Variants in HSD17B12 observed in about 807,000 individuals in gnomAD.
The protein encoded by HSD17B12 is hydroxysteroid 17-beta dehydrogenase 12.
In HSD17B12, 32 loss-of-function variants were observed where a neutral mutation model predicts 39.3. That is an observed-to-expected ratio of 0.81 (90% CI 0.61 to 1.09). The LOEUF is 1.09. Ranked by LOEUF, HSD17B12 falls within the 50% of genes least tolerant of loss-of-function variation. The pLI is 0.00. For missense variants in HSD17B12, 342 were observed against 382.9 expected, an observed-to-expected ratio of 0.89 and a Z score of 0.89; for synonymous variants, 150 against 146.7, an observed-to-expected ratio of 1.02 and a Z score of -0.16.
intron 3 of HSD17B12, among the ~76,000 whole-genome samples, chr11:43,788,761 A>AACACACAGG (rs1027187791): frequency 5.3e-5 from 8 of 152,084 alleles, no homozygotes; most frequent in African/African-American, 1.9e-4. Context: ...AAGTAATTGT[A>AACACACAGG]ACACACAGGA....
At chr11:43,558,991 A>G in the HSD17B12 span, among the ~76,000 whole-genome samples, 1 of 152,124 alleles carries the variant, frequency 6.6e-6, no homozygotes, top group South Asian at 2.1e-4. Flanking sequence ...TGTCTCACTA[A>G]ATAAAGCAGA....
At chr11:43,653,523 G>T in the HSD17B12 span, among the ~76,000 whole-genome samples, 1 of 151,944 alleles carries the variant, frequency 6.6e-6, no homozygotes, top group Non-Finnish European at 1.5e-5. Flanking sequence ...TTAGCATTAG[G>T]TATATCTCCT....
intron 6 of HSD17B12, 123 bp from the exon 7 acceptor site, chr11:43,830,853 T>C: frequency 1.4e-6 from 1 of 721,202 alleles, no homozygotes; most frequent in Non-Finnish European, 2.4e-6. Flanking sequence ...AATAACCTGC[T>C]GTCTGTAGAA....
the HSD17B12 span, among the ~76,000 whole-genome samples, chr11:43,635,043 T>C: frequency 6.6e-6 from 1 of 152,120 alleles, no homozygotes; most frequent in Non-Finnish European, 1.5e-5. Context: ...CCATGGTGTG[T>C]GCAATTTCCT....
intron 1 of HSD17B12, chr11:43,734,416 G>C (rs1349661430): frequency 1.3e-6 from 1 of 773,780 alleles, no homozygotes; most frequent in African/African-American, 1.7e-5. Context: ...AGGCAGCCGA[G>C]CTGATCACCA....
chr11:43,592,311 G>T, the HSD17B12 span, among the ~76,000 whole-genome samples: 1 of 151,528 alleles, frequency 6.6e-6, no homozygotes, highest in East Asian at 1.9e-4. Flanking sequence ...TTTTTTTAAT[G>T]CAGGAAGGCC....
At chr11:43,800,547 A>G (rs554879822) in intron 4 of HSD17B12, among the ~76,000 whole-genome samples, 1 of 152,138 alleles carries the variant, frequency 6.6e-6, no homozygotes, top group Non-Finnish European at 1.5e-5. Flanking sequence ...CCTGCCCCCT[A>G]TATGGAAAGG....
In HSD17B12 at chr11:43,798,239, A is replaced by G. The variant is rs989626482; in HGVS notation, c.284-81A>G. 6.5e-6 allele frequency: 5 copies of G among 774,080 alleles called. No homozygotes were observed. The African/African-American group carries it at 7.0e-5, about 11-fold the overall frequency. 48.0% of individuals were successfully genotyped at this position (774,080 alleles called of 1,614,324 possible). ...GGTGGGGAGAAACGTCTGAAAGGAT[A>G]ATGCTATCAAATGCCTTAATCTTCA... On this transcript the variant is annotated intron_variant, in intron 3 of 10. Transcript: ENST00000278353.
chr11:43,794,061 T>C (rs1392980665), intron 3 of HSD17B12, among the ~76,000 whole-genome samples: 1 of 152,198 alleles, frequency 6.6e-6, no homozygotes. Flanking sequence ...GTTTTTTTCT[T>C]CTTGGTGTTT....
At chr11:43,699,085 A>G (rs1320192106) in intron 1 of HSD17B12, among the ~76,000 whole-genome samples, 1 of 152,218 alleles carries the variant, frequency 6.6e-6, no homozygotes, top group Non-Finnish European at 1.5e-5. Flanking sequence ...GTTAGTTACT[A>G]CAGTGGATTA....
At chr11:43,806,126 TACC>T (rs1338911722) in intron 4 of HSD17B12, 1 of 152,238 alleles carries the variant, frequency 6.6e-6, no homozygotes, top group Non-Finnish European at 1.5e-5. Context: ...AAGGAAGCTC[TACC>T]GGGCTTCAGT....
chr11:43,601,892 A>ATTG, the HSD17B12 span, among the ~76,000 whole-genome samples: 3 of 152,166 alleles, frequency 2.0e-5, no homozygotes, highest in African/African-American at 7.2e-5. Context: ...TTATCACCAG[A>ATTG]GCTTTTGAAG....
chr11:43,618,757 A>G, the HSD17B12 span, among the ~76,000 whole-genome samples: 3 of 152,136 alleles, frequency 2.0e-5, no homozygotes, highest in Non-Finnish European at 4.4e-5. Flanking sequence ...ATTATGAAAC[A>G]TCATCATCAG....
chr11:43,787,695 C>T (rs1357086832), intron 3 of HSD17B12, among the ~76,000 whole-genome samples: 1 of 151,308 alleles, frequency 6.6e-6, no homozygotes, highest in Non-Finnish European at 1.5e-5. Context: ...TAAGATTGCA[C>T]CACTGCACTC....
Position 43,831,830 on chromosome 11 carries a change from T to C in HSD17B12, c.536+820T>C, listed in dbSNP as rs115487710. Among the ~76,000 whole-genome samples the C allele has an allele frequency of 0.027, 4,109 of 152,300 alleles. 189 individuals are homozygous for C. Among genetic ancestry groups the C allele is most frequent in the African/African-American group, 0.092 (3,833 of 41,536 alleles). ...AAAAGGGAAGACCCAAGGACCCTAC[T>C]TCTGTTAGGAAACCTCTATGACCTA... On this transcript the variant is annotated intron_variant, in intron 7 of 10. Transcript: ENST00000278353. This position sits in a 1 kb window ranked among gnomAD's most constrained non-coding sequence, Gnocchi z 4.1.
intron 6 of HSD17B12, among the ~76,000 whole-genome samples, chr11:43,819,640 A>T (rs1951162367): frequency 6.6e-6 from 1 of 152,164 alleles, no homozygotes. Context: ...CCTCTTCTTC[A>T]TTCTTCATTG....
chr11:43,714,814 T>C (rs999298655), intron 1 of HSD17B12, among the ~76,000 whole-genome samples: 42 of 152,342 alleles, frequency 2.8e-4, no homozygotes, highest in Admixed American at 7.8e-4. Context: ...CAGTGGTTTG[T>C]AGTTCTCCTT....
intron 6 of HSD17B12, among the ~76,000 whole-genome samples, chr11:43,824,846 A>C (rs796816015): frequency 6.6e-6 from 1 of 152,274 alleles, no homozygotes; most frequent in African/African-American, 2.4e-5. Flanking sequence ...AAATACAAAA[A>C]TTAGCTGGGC....
chr11:43,748,126 C>G (rs1453016826), intron 1 of HSD17B12, among the ~76,000 whole-genome samples: 1 of 152,118 alleles, frequency 6.6e-6, no homozygotes, highest in Non-Finnish European at 1.5e-5. Flanking sequence ...TCCTGTGCCT[C>G]TAAAAACAGT....
Sources: gnomAD v4.1 joint callset for allele counts (sites outside exome capture counted in the v4.1 genomes callset) on GRCh38, gnomAD v4.1.1 for gene constraint, Gnocchi (gnomAD v3.1) non-coding constraint, MANE v1.5 for transcripts, NCBI Gene and HGNC (gene_info 2026-07-23, HGNC 2026-07-21) for gene names.